THSD7B: variants seen among roughly 807,000 people sequenced by gnomAD.
THSD7B encodes the protein thrombospondin type-1 domain-containing protein 7B.
In THSD7B, 138 loss-of-function variants were observed where a neutral mutation model predicts 213.6. The ratio of observed to expected loss-of-function variants is 0.65; its 90% CI spans 0.56 to 0.74. The LOEUF (loss-of-function observed/expected upper bound fraction) is 0.74. THSD7B is among the 30% of genes least tolerant of loss of function. The probability of loss-of-function intolerance (pLI) is 0.00; values close to 1 mark genes in which losing one functional copy is unlikely to be tolerated. For missense variants in THSD7B, 1,931 were observed against 1,991.5 expected (o/e 0.97, Z 0.58); for synonymous variants, 742 against 687.0 (o/e 1.08, Z -1.25).
chr2:136,952,434 CTTT>C (rs35848268), intron 2 of THSD7B, among the ~76,000 whole-genome samples: 6 of 125,604 alleles, frequency 4.8e-5, no homozygotes, highest in Middle Eastern at 3.9e-3. Context: ...GGGCAGAAAA[CTTT>C]TTTTTTTTTT....
chr2:136,957,450 T>TC (rs1193213603), intron 2 of THSD7B, among the ~76,000 whole-genome samples: 1 of 152,056 alleles, frequency 6.6e-6, no homozygotes, highest in Non-Finnish European at 1.5e-5. Context: ...TTTTTTTTTT[T>TC]TTCTTGCTTT....
chr2:137,357,136 C>G (rs1253860125), intron 12 of THSD7B, among the ~76,000 whole-genome samples: 1 of 152,098 alleles, frequency 6.6e-6, no homozygotes, highest in African/African-American at 2.4e-5. Flanking sequence ...TTCACTACAT[C>G]AAAGATTTAG....
At chr2:137,457,673 T>C (rs965227868) in intron 15 of THSD7B, among the ~76,000 whole-genome samples, 1 of 152,182 alleles carries the variant, frequency 6.6e-6, no homozygotes, top group Non-Finnish European at 1.5e-5. Flanking sequence ...CAACCTGCTT[T>C]TCAAATTTTC....
At chr2:136,871,640 T>A (rs1683433699) in intron 1 of THSD7B, among the ~76,000 whole-genome samples, 1 of 152,176 alleles carries the variant, frequency 6.6e-6, no homozygotes, top group African/African-American at 2.4e-5. Context: ...TCTGAAATTA[T>A]AAGAATGTAT....
At chr2:137,592,078 C>A (rs1681876074) in intron 17 of THSD7B, among the ~76,000 whole-genome samples, 1 of 151,516 alleles carries the variant, frequency 6.6e-6, no homozygotes. Flanking sequence ...TTTGGTATTT[C>A]TTTTATTTTC....
intron 4 of THSD7B, among the ~76,000 whole-genome samples, 198 bp from the exon 5 acceptor site, chr2:137,114,926 T>C (rs934189491): frequency 1.3e-5 from 2 of 152,142 alleles, no homozygotes; most frequent in Non-Finnish European, 2.9e-5. Flanking sequence ...ATTGTCATGA[T>C]GGGCTGCTGG....
At chr2:136,794,950 C>A (rs1682035364) in intron 1 of THSD7B, among the ~76,000 whole-genome samples, 1 of 151,890 alleles carries the variant, frequency 6.6e-6, no homozygotes, top group Non-Finnish European at 1.5e-5. Context: ...CAAGAGTCTA[C>A]TTTGTCTAGC....
chr2:137,288,452 A>T (rs1490433581), intron 12 of THSD7B, among the ~76,000 whole-genome samples: 1 of 152,148 alleles, frequency 6.6e-6, no homozygotes, highest in Non-Finnish European at 1.5e-5. Context: ...TAGGAACTGA[A>T]AATGGGAAAG....
intron 2 of THSD7B, among the ~76,000 whole-genome samples, chr2:137,033,204 A>G (rs1224959249): frequency 6.6e-6 from 1 of 152,218 alleles, no homozygotes; most frequent in Non-Finnish European, 1.5e-5. Flanking sequence ...TACTGGCTAG[A>G]CCTAGCTGTT....
intron 15 of THSD7B, among the ~76,000 whole-genome samples, chr2:137,475,542 C>T (rs555724410): frequency 9.9e-5 from 15 of 152,244 alleles, no homozygotes; most frequent in South Asian, 4.1e-4. Context: ...CCATGAGATA[C>T]GCTATTTTAG....
chr2:136,798,649 G>A (rs1386515512), intron 1 of THSD7B, among the ~76,000 whole-genome samples: 4 of 151,828 alleles, frequency 2.6e-5, no homozygotes, highest in Non-Finnish European at 5.9e-5. Flanking sequence ...TCAACACTGC[G>A]CTAAAAACAA....
chr2:137,134,651 G>A (rs543042707), intron 5 of THSD7B, among the ~76,000 whole-genome samples: 4 of 152,252 alleles, frequency 2.6e-5, no homozygotes, highest in Admixed American at 2.0e-4. Flanking sequence ...CGGCAAACCT[G>A]TGGCCCTTCT....
chr2:136,868,547 T>C (rs1448075462), intron 1 of THSD7B, among the ~76,000 whole-genome samples: 1 of 152,232 alleles, frequency 6.6e-6, no homozygotes, highest in Non-Finnish European at 1.5e-5. Context: ...CAAAGCTATA[T>C]TTACAGTTTA....
At chr2:136,819,829 C>A (rs1002448000) in intron 1 of THSD7B, among the ~76,000 whole-genome samples, 1 of 151,006 alleles carries the variant, frequency 6.6e-6, no homozygotes, top group African/African-American at 2.4e-5. Flanking sequence ...CCCAAGAAGC[C>A]TACTACTCTC....
chr2:137,045,365 A>G (rs1686951121), intron 2 of THSD7B, among the ~76,000 whole-genome samples: 1 of 152,158 alleles, frequency 6.6e-6, no homozygotes, highest in African/African-American at 2.4e-5. Flanking sequence ...CAATCTTGTA[A>G]CCCAGAGGGC....
intron 1 of THSD7B, among the ~76,000 whole-genome samples, chr2:136,766,792 C>T (rs1681404857): frequency 6.6e-6 from 1 of 152,158 alleles, no homozygotes; most frequent in Non-Finnish European, 1.5e-5. Flanking sequence ...GGTTCCTTGG[C>T]GCTCTGTTCA....
At chr2:136,981,593 C>T (rs1685578714) in intron 2 of THSD7B, among the ~76,000 whole-genome samples, 1 of 152,226 alleles carries the variant, frequency 6.6e-6, no homozygotes, top group Middle Eastern at 3.2e-3. Flanking sequence ...GCATGGCCTG[C>T]AGAAGCCTGG....
chr2:137,630,344 T>C (rs1682718115), intron 20 of THSD7B, among the ~76,000 whole-genome samples: 1 of 152,052 alleles, frequency 6.6e-6, no homozygotes, highest in African/African-American at 2.4e-5. Context: ...AGGAATAGGA[T>C]ACATGGCCCT....
At chr2:137,331,968 C>T (rs902009796) in intron 12 of THSD7B, among the ~76,000 whole-genome samples, 7 of 152,270 alleles carry the variant, frequency 4.6e-5, no homozygotes, top group African/African-American at 7.2e-5. Context: ...CACACAGCCC[C>T]GGTTCCCACT....
Sources: allele counts gnomAD v4.1 joint callset (sites outside exome capture counted in the v4.1 genomes callset), GRCh38; gene constraint gnomAD v4.1.1; transcripts MANE v1.5; gene names NCBI Gene and HGNC (gene_info 2026-07-23, HGNC 2026-07-21).